The following SUPT3H variants were observed in gnomAD, a reference collection of about 807,000 sequenced individuals.
The protein encoded by SUPT3H is transcription initiation protein SPT3 homolog.
In SUPT3H, 44 loss-of-function variants were observed where a neutral mutation model predicts 44.3. That is an observed-to-expected ratio of 0.99 (90% CI 0.78 to 1.28). SUPT3H has a LOEUF of 1.28. SUPT3H is among the 50% of genes most tolerant of loss of function. SUPT3H has a pLI of 0.00. For missense variants in SUPT3H, 380 were observed against 387.1 expected, an observed-to-expected ratio of 0.98 and a Z score of 0.15; for synonymous variants, 124 against 125.6, an observed-to-expected ratio of 0.99 and a Z score of 0.09.
intron 10 of SUPT3H, among the ~76,000 whole-genome samples, chr6:44,835,956 C>A (rs750821039): frequency 6.6e-6 from 1 of 152,096 alleles, no homozygotes; most frequent in Admixed American, 6.5e-5. Context: ...AGAAGATGAC[C>A]GTGCTCTGAA....
At chr6:44,893,167 C>G (rs767800628) in intron 10 of SUPT3H, among the ~76,000 whole-genome samples, 1 of 152,174 alleles carries the variant, frequency 6.6e-6, no homozygotes, top group Non-Finnish European at 1.5e-5. Context: ...TCTCATCTCA[C>G]TTCCTTCTAG....
intron 3 of SUPT3H, among the ~76,000 whole-genome samples, chr6:45,065,536 G>A (rs201872257): frequency 5.9e-4 from 85 of 143,406 alleles, no homozygotes; most frequent in South Asian, 8.9e-4. Flanking sequence ...TTTTTTGAAA[G>A]GATCAACAAA....
Position 45,238,324 on chromosome 6 carries a change from A to C in SUPT3H, c.101+126877T>G, listed in dbSNP as rs1769595592. On this transcript the variant is annotated intron_variant, in intron 2 of 10. Transcript: ENST00000371459. ...TGGGGACCTCAGTAACTGACAGTAC[A>C]ATTGTGCCACAGAAAGTAACCATAT... Among the ~76,000 whole-genome samples, 3 of 152,220 alleles carry C rather than the reference A, an allele frequency of 2.0e-5. No homozygotes were observed. The South Asian group carries it at 6.2e-4, about 31-fold the overall frequency.
intron 2 of SUPT3H, among the ~76,000 whole-genome samples, chr6:45,225,459 TTACAGA>T (rs776936216): frequency 5.9e-5 from 9 of 152,120 alleles, no homozygotes; most frequent in Non-Finnish European, 1.0e-4. Context: ...CACCAAATCT[TTACAGA>T]TAGCTACTGT....
rs768599195 is a variant in SUPT3H at position 44,827,270 on chromosome 6, T to C, written c.*2546A>G. ...ACTGAAGATTTTACTATATAACACG[T>C]ATGCTTTAGGATGTATCCATAATTA... is the stretch of plus-strand genomic sequence containing the variant. On this transcript the variant is annotated 3_prime_UTR_variant, in exon 11 of 11. Coordinates refer to ENST00000371459, the MANE Select transcript of SUPT3H (RefSeq NM_003599.4). Among the ~76,000 whole-genome samples, 45 of 152,304 alleles carry C rather than the reference T, an allele frequency of 3.0e-4. No homozygotes were observed. The highest frequency in any genetic ancestry group is 6.3e-4 in the Non-Finnish European group (43 of 67,992).
chr6:45,358,499 CT>C (rs1179863725), intron 2 of SUPT3H, among the ~76,000 whole-genome samples: 15 of 152,268 alleles, frequency 9.9e-5, no homozygotes, highest in Admixed American at 2.6e-4. Flanking sequence ...ATATTTCCCC[CT>C]ATACTTGAAT....
At chr6:45,198,536 C>G (rs1816461866) in intron 2 of SUPT3H, among the ~76,000 whole-genome samples, 1 of 151,198 alleles carries the variant, frequency 6.6e-6, no homozygotes. Flanking sequence ...CATTAATTTG[C>G]TGAAATTTTC....
intron 10 of SUPT3H, among the ~76,000 whole-genome samples, chr6:44,840,848 C>T (rs1401512513): frequency 6.6e-6 from 1 of 152,164 alleles, no homozygotes; most frequent in Non-Finnish European, 1.5e-5. Context: ...AGACTCTATG[C>T]CTTCTTTCCA....
At chr6:45,355,457 T>C (rs570193500) in intron 2 of SUPT3H, among the ~76,000 whole-genome samples, 5 of 152,172 alleles carry the variant, frequency 3.3e-5, no homozygotes, top group African/African-American at 4.8e-5. Context: ...GGGTTTTTCA[T>C]TGGGGGTGGG....
chr6:44,991,509 T>TTTTA (rs71799934), intron 6 of SUPT3H, among the ~76,000 whole-genome samples: 8 of 150,834 alleles, frequency 5.3e-5, no homozygotes, highest in Middle Eastern at 3.4e-3. Flanking sequence ...CCAAAATTCT[T>TTTTA]TTTATTTATT....
intron 3 of SUPT3H, among the ~76,000 whole-genome samples, chr6:45,048,448 TAA>T (rs892931142): frequency 2.0e-5 from 3 of 152,126 alleles, no homozygotes; most frequent in African/African-American, 7.2e-5. Flanking sequence ...GCATATGAAA[TAA>T]GAGTCTAATT....
intron 10 of SUPT3H, among the ~76,000 whole-genome samples, chr6:44,843,997 AC>A (rs1771456667): frequency 6.6e-6 from 1 of 151,804 alleles, no homozygotes; most frequent in Non-Finnish European, 1.5e-5. Flanking sequence ...GAGGCACACT[AC>A]CTAATTTTAA....
Position 44,826,950 on chromosome 6 carries a change from C to A in SUPT3H, c.*2866G>T, listed in dbSNP as rs1019741464. Among the ~76,000 whole-genome samples the A allele has an allele frequency of 6.6e-6, 1 of 152,138 alleles. No individual in the cohort carries two copies. Among genetic ancestry groups the A allele is most frequent in the African/African-American group, 2.4e-5 (1 of 41,446 alleles). On this transcript the variant is annotated 3_prime_UTR_variant, in exon 11 of 11. Coordinates refer to ENST00000371459, the MANE Select transcript of SUPT3H (RefSeq NM_003599.4). ...AAATTGAAACAGTATTTTTGAATCA[C>A]AACGATTACAATCTAAGAAGGCAGG...
intron 10 of SUPT3H, among the ~76,000 whole-genome samples, chr6:44,927,098 C>T (rs1769628450): frequency 6.6e-6 from 1 of 151,656 alleles, no homozygotes; most frequent in Admixed American, 6.6e-5. Flanking sequence ...AAATAAAGAA[C>T]AAAATGGAAT....
chr6:45,281,525 G>C (rs1249962601), intron 2 of SUPT3H, among the ~76,000 whole-genome samples: 1 of 152,200 alleles, frequency 6.6e-6, no homozygotes, highest in African/African-American at 2.4e-5. Flanking sequence ...AAACTGCAAG[G>C]TGGCAGCGAG....
chr6:45,156,891 T>G (rs1483806188), intron 2 of SUPT3H, among the ~76,000 whole-genome samples: 5 of 152,038 alleles, frequency 3.3e-5, no homozygotes. Context: ...ACCATAATTT[T>G]TATGGTTTTA....
rs956220894 is a variant in SUPT3H at position 44,829,283 on chromosome 6, G to A, written c.*533C>T. ...GTGAAGGGGAAAGGAGGTGGGAACA[G>A]GTGATTTATCAGGTCTGTTAGATCT... is the stretch of plus-strand genomic sequence containing the variant. On this transcript the variant is annotated 3_prime_UTR_variant, in exon 11 of 11. Transcript: ENST00000371459. 3 of 152,270 alleles carry A rather than the reference G, an allele frequency of 2.0e-5. No homozygotes were observed. The highest frequency in any genetic ancestry group is 4.4e-5 in the Non-Finnish European group (3 of 68,154). 9.4% of individuals were successfully genotyped at this position (152,270 alleles called of 1,614,324 possible). A position where few individuals can be genotyped will look rare whatever the true frequency, so the allele number is the denominator to read the frequency against.
intron 2 of SUPT3H, among the ~76,000 whole-genome samples, chr6:45,177,661 G>C (rs1049712900): frequency 6.6e-6 from 1 of 151,178 alleles, no homozygotes; most frequent in African/African-American, 2.4e-5. Context: ...GTTAAGGGCA[G>C]CCACAGAGAA....
At chr6:44,908,889 A>G (rs1341305908) in intron 10 of SUPT3H, among the ~76,000 whole-genome samples, 1 of 152,180 alleles carries the variant, frequency 6.6e-6, no homozygotes, top group Non-Finnish European at 1.5e-5. Context: ...TAAATAGGTA[A>G]TAGTGGAAAA....
Sources: allele counts gnomAD v4.1 joint callset (sites outside exome capture counted in the v4.1 genomes callset), GRCh38; gene constraint gnomAD v4.1.1; transcripts MANE v1.5; gene names NCBI Gene and HGNC (gene_info 2026-07-23, HGNC 2026-07-21).